The following NCKAP5 variants were observed in gnomAD, a reference collection of about 807,000 sequenced individuals.
The protein encoded by NCKAP5 is nck-associated protein 5.
A neutral mutation model predicts 167.0 loss-of-function variants in NCKAP5; 92 were observed. The ratio of observed to expected loss-of-function variants is 0.55; its 90% CI spans 0.47 to 0.66. NCKAP5 has a LOEUF of 0.66. Ranked by LOEUF, NCKAP5 falls within the 30% of genes least tolerant of loss-of-function variation. The pLI is 0.00. For synonymous variants in NCKAP5, 891 were observed against 877.4 expected, an observed-to-expected ratio of 1.02 and a Z score of -0.27; for missense variants, 2,378 against 2,315.0, an observed-to-expected ratio of 1.03 and a Z score of -0.56.
At chr2:132,885,874 C>T (rs904000286) in intron 8 of NCKAP5, among the ~76,000 whole-genome samples, 1 of 152,204 alleles carries the variant, frequency 6.6e-6, no homozygotes, top group African/African-American at 2.4e-5. Flanking sequence ...TAGCTCTACA[C>T]AAAAATCTGT....
At chr2:133,625,427 G>T in the NCKAP5 span, among the ~76,000 whole-genome samples, 2 of 151,560 alleles carry the variant, frequency 1.3e-5, no homozygotes, top group South Asian at 4.2e-4. Context: ...AAGGAACCAG[G>T]ACTCCTTGGA....
At chr2:133,206,834 T>C (rs559172481) in intron 5 of NCKAP5, among the ~76,000 whole-genome samples, 1 of 152,118 alleles carries the variant, frequency 6.6e-6, no homozygotes, top group African/African-American at 2.4e-5. Context: ...TTCCTGGGGG[T>C]AGGTCTATAG....
In NCKAP5 at chr2:132,794,297, GAGAGAGAGA is replaced by G. The variant is rs1187839974; in HGVS notation, c.909+2322_909+2330del. Among the ~76,000 whole-genome samples, 59 of 123,620 alleles carry G rather than the reference GAGAGAGAGA, an allele frequency of 4.8e-4. 1 individual carries two copies. The highest frequency in any genetic ancestry group is 5.1e-4 in the Non-Finnish European group (29 of 56,964). 81.1% of individuals were successfully genotyped at this position (123,620 alleles called of 152,430 possible). ...AGAGAGAGAGAGAGAGAGAGAGAGA[GAGAGAGAGA>G]GGGTGGCGGGAAGAGAGAGAGAAAG... On this transcript the variant is annotated intron_variant, in intron 12 of 19. Coordinates refer to ENST00000409261, the MANE Select transcript of NCKAP5 (RefSeq NM_207363.3).
chr2:133,310,012 G>C (rs545506166), intron 3 of NCKAP5, among the ~76,000 whole-genome samples: 1 of 152,152 alleles, frequency 6.6e-6, no homozygotes, highest in Non-Finnish European at 1.5e-5. Flanking sequence ...CAGCAAGGCG[G>C]CCAGCTGTTC....
intron 6 of NCKAP5, among the ~76,000 whole-genome samples, chr2:133,085,346 A>G (rs932293478): frequency 2.0e-5 from 3 of 152,176 alleles, no homozygotes; most frequent in African/African-American, 7.2e-5. Context: ...GTCTAGGTTG[A>G]CTTTAAATTG....
At chr2:133,197,586 G>A (rs1189853490) in intron 5 of NCKAP5, among the ~76,000 whole-genome samples, 1 of 151,944 alleles carries the variant, frequency 6.6e-6, no homozygotes, top group Non-Finnish European at 1.5e-5. Context: ...ACCCCAAGAT[G>A]ACACAGATGT....
At chr2:132,795,587 G>A (rs548052392) in intron 12 of NCKAP5, among the ~76,000 whole-genome samples, 13 of 152,176 alleles carry the variant, frequency 8.5e-5, no homozygotes, top group South Asian at 6.2e-4. Context: ...TTGGGAGGCC[G>A]AGGCAGGCAG....
intron 11 of NCKAP5, among the ~76,000 whole-genome samples, chr2:132,834,800 T>A (rs1687773135): frequency 6.6e-6 from 1 of 152,164 alleles, no homozygotes; most frequent in Admixed American, 6.5e-5. Context: ...CTGAATGTCT[T>A]TTGTTTCTTT....
At chr2:133,036,911 TG>T (rs760584391) in intron 6 of NCKAP5, among the ~76,000 whole-genome samples, 16 of 152,078 alleles carry the variant, frequency 1.1e-4, no homozygotes, top group Admixed American at 2.6e-4. Flanking sequence ...ATCTTATATT[TG>T]GTAAAACCTA....
chr2:132,741,236 T>G (rs1364822827), intron 16 of NCKAP5, among the ~76,000 whole-genome samples: 2 of 152,114 alleles, frequency 1.3e-5, no homozygotes, highest in African/African-American at 4.8e-5. Context: ...TGTTATGCAA[T>G]TTTCCAAACA....
chr2:132,693,567 AGAC>A (rs930939586), intron 19 of NCKAP5, among the ~76,000 whole-genome samples: 7 of 149,686 alleles, frequency 4.7e-5, no homozygotes, highest in Non-Finnish European at 1.0e-4. Flanking sequence ...CCTGGATTTC[AGAC>A]GTCTAGGCTC....
At chr2:132,792,037 C>CTGTTCTGTTT (rs1684114725) in intron 12 of NCKAP5, among the ~76,000 whole-genome samples, 1 of 150,924 alleles carries the variant, frequency 6.6e-6, no homozygotes, top group Admixed American at 6.6e-5. Context: ...TTGAGATGCT[C>CTGTTCTGTTT]TGTTTTGTTT....
In NCKAP5 at chr2:132,785,589, G is replaced by A. The variant is rs747091528; in HGVS notation, c.1222C>T (p.Leu408=). Residue 408 remains leucine (L), a synonymous_variant, in exon 14 of 20, where the codon CTA becomes TTA. Transcript: ENST00000409261. The part of the protein sequence containing the change: ...ESHILEGLRK[L]QKRKVLLEPP... Reference sequence around the variant, plus strand: ...TCAAGTAACACTTTTCGCTTCTGTAGCTTTCTTAGCCCTTCCAAAATGTGG... The same window carrying A: ...TCAAGTAACACTTTTCGCTTCTGTAACTTTCTTAGCCCTTCCAAAATGTGG... 2 of 1,592,106 alleles carry A rather than the reference G, an allele frequency of 1.3e-6. No individual in the cohort carries two copies. The highest frequency in any genetic ancestry group is 1.8e-5 in the Admixed American group (1 of 57,018).
chr2:133,558,648 G>A (rs538487819), intron 2 of NCKAP5, among the ~76,000 whole-genome samples: 3 of 121,372 alleles, frequency 2.5e-5, no homozygotes, highest in South Asian at 2.7e-4. Flanking sequence ...TTTGCCAAAC[G>A]AAATGCAGAG....
At chr2:132,890,511 T>C (rs1032413651) in intron 8 of NCKAP5, among the ~76,000 whole-genome samples, 1 of 152,168 alleles carries the variant, frequency 6.6e-6, no homozygotes, top group Non-Finnish European at 1.5e-5. Context: ...TCCCCTGCAG[T>C]CTGTTCTGTT....
intron 6 of NCKAP5, among the ~76,000 whole-genome samples, chr2:133,095,055 T>C (rs1487288837): frequency 2.0e-5 from 3 of 152,174 alleles, no homozygotes; most frequent in Non-Finnish European, 4.4e-5. Flanking sequence ...CACCTTGATT[T>C]CAGCCTTATG....
chr2:133,088,956 A>G (rs1254542776), intron 6 of NCKAP5, among the ~76,000 whole-genome samples: 2 of 152,218 alleles, frequency 1.3e-5, no homozygotes, highest in Non-Finnish European at 2.9e-5. Context: ...AACTAATAAA[A>G]CAGACCAGAC....
At chr2:133,116,280 G>A (rs1453464805) in intron 6 of NCKAP5, among the ~76,000 whole-genome samples, 1 of 86,794 alleles carries the variant, frequency 1.2e-5, no homozygotes, top group Non-Finnish European at 2.1e-5. Flanking sequence ...GAGGTCAGGA[G>A]ATCGAGACCA....
intron 8 of NCKAP5, among the ~76,000 whole-genome samples, chr2:132,950,789 T>C (rs2076162824): frequency 1.3e-5 from 2 of 152,176 alleles, no homozygotes; most frequent in African/African-American, 2.4e-5. Flanking sequence ...CTACACTGTA[T>C]GGGAGGCAGT....
Sources: gnomAD v4.1 joint callset for allele counts (sites outside exome capture counted in the v4.1 genomes callset) on GRCh38, gnomAD v4.1.1 for gene constraint, MANE v1.5 for transcripts, NCBI Gene and HGNC (gene_info 2026-07-23, HGNC 2026-07-21) for gene names.